The following NR3C2 variants were observed in gnomAD, a reference collection of about 807,000 sequenced individuals.
NR3C2 encodes mineralocorticoid receptor.
A neutral mutation model predicts 86.4 loss-of-function variants in NR3C2; 15 were observed. The observed-to-expected ratio is 0.17, with a 90% CI of 0.12 to 0.27. NR3C2 has a LOEUF of 0.27. Among genes scored for constraint, NR3C2 ranks in the 10% least tolerant of loss-of-function variants. NR3C2 has a pLI of 1.00. For missense variants in NR3C2, 960 were observed against 1,195.6 expected (o/e 0.80, Z 2.91); for synonymous variants, 458 against 450.5 (o/e 1.02, Z -0.21).
At chr4:148,422,524 A>AT (rs1749334001) in intron 2 of NR3C2, among the ~76,000 whole-genome samples, 1 of 152,118 alleles carries the variant, frequency 6.6e-6, no homozygotes, top group African/African-American at 2.4e-5. Flanking sequence ...TCGAAAAAAT[A>AT]TTTTTTAAGT....
chr4:148,093,245 C>G (rs1731137882), intron 8 of NR3C2, among the ~76,000 whole-genome samples: 1 of 152,202 alleles, frequency 6.6e-6, no homozygotes, highest in South Asian at 2.1e-4. Flanking sequence ...TCTGCCTTTT[C>G]CATACTACCC....
intron 8 of NR3C2, among the ~76,000 whole-genome samples, chr4:148,112,771 T>C (rs1732099674): frequency 6.6e-6 from 1 of 152,206 alleles, no homozygotes; most frequent in African/African-American, 2.4e-5. Context: ...ATCAACCTTA[T>C]GCCATTAGTT....
At chr4:148,362,455 CTT>C (rs1007651850) in intron 2 of NR3C2, among the ~76,000 whole-genome samples, 1 of 152,132 alleles carries the variant, frequency 6.6e-6, no homozygotes, top group African/African-American at 2.4e-5. Flanking sequence ...AATTTAAAAA[CTT>C]TAAAACTTTA....
chr4:148,194,914 A>C, intron 3 of NR3C2, 52 bp from the exon 4 acceptor site: 1 of 1,228,820 alleles, frequency 8.1e-7, no homozygotes, highest in Non-Finnish European at 1.2e-6. Flanking sequence ...CTAGTACAAA[A>C]CATTAATATG....
chr4:148,149,537 G>T (rs953262658), intron 6 of NR3C2, among the ~76,000 whole-genome samples: 2 of 152,058 alleles, frequency 1.3e-5, no homozygotes, highest in African/African-American at 2.4e-5. Flanking sequence ...CAAAGAAAAG[G>T]CAACAAAAGA....
rs372002502 is a variant in NR3C2, at chr4:148,359,549, C to T, written c.1757+75555G>A. On this transcript the variant is annotated intron_variant, in intron 2 of 8. Coordinates refer to ENST00000358102, the MANE Select transcript of NR3C2 (RefSeq NM_000901.5). The stretch of plus-strand genomic sequence containing the variant: ...TGAATATCAATAAATTTTATATGTG[C>T]CAAAATAAACTAGTCATCAGTACAT... 4.1e-4 allele frequency among the ~76,000 whole-genome samples: 62 copies of T among 152,168 alleles called. 1 individual carries two copies. The South Asian group carries it at 0.012, about 31-fold the overall frequency.
At chr4:148,103,479 C>T (rs970187836) in intron 8 of NR3C2, among the ~76,000 whole-genome samples, 2 of 152,216 alleles carry the variant, frequency 1.3e-5, no homozygotes, top group Admixed American at 1.3e-4. Context: ...ACTCAGTAGC[C>T]CTTTCTTTGC....
chr4:148,363,175 A>C (rs2126317439), intron 2 of NR3C2, among the ~76,000 whole-genome samples: 1 of 152,298 alleles, frequency 6.6e-6, no homozygotes, highest in South Asian at 2.1e-4. Flanking sequence ...GCCCTGAGTG[A>C]CCATGAGGGG....
chr4:148,373,480 C>CT (rs11377568), intron 2 of NR3C2, among the ~76,000 whole-genome samples: 35 of 129,814 alleles, frequency 2.7e-4, no homozygotes, highest in Non-Finnish European at 2.3e-4. Context: ...CTTTTTTTTT[C>CT]TTTTTTTTTT....
chr4:148,158,663 T>C (rs547269879), intron 4 of NR3C2, among the ~76,000 whole-genome samples: 13 of 152,310 alleles, frequency 8.5e-5, no homozygotes, highest in African/African-American at 3.1e-4. Flanking sequence ...TAAAAGTGAC[T>C]TTTTTTGCAA....
chr4:148,321,729 T>G (rs1336532015), intron 2 of NR3C2, among the ~76,000 whole-genome samples: 1 of 152,202 alleles, frequency 6.6e-6, no homozygotes, highest in East Asian at 1.9e-4. Flanking sequence ...TCCATTTTCT[T>G]GGTAGATCTT....
rs759367916 is a variant in NR3C2, at chr4:148,435,529, A to C, written c.1332T>G (p.Asn444Lys). 1 of 1,614,130 alleles carries C rather than the reference A, an allele frequency of 6.2e-7. No homozygotes were observed. The highest frequency in any genetic ancestry group is 1.1e-5 in the South Asian group (1 of 91,088). ...TAAATGGAAACGGGTTTACTGTTGGATTCCCTTTAAAAGAGGTGCCTGAAC... is the reference window on the plus strand; with the variant it reads ...TAAATGGAAACGGGTTTACTGTTGGCTTCCCTTTAAAAGAGGTGCCTGAAC... The part of the protein sequence containing the change: ...HSCSGTSFKG[N>K]PTVNPFPFMD... The change falls in exon 2 of 9, where the codon AAT becomes AAG. Residue 444 changes from asparagine to lysine, a missense_variant. By Grantham distance (94) the Asn-to-Lys change is moderately conservative (BLOSUM62 0). Transcript: ENST00000358102.
At chr4:148,210,114 G>T (rs1737209589) in intron 3 of NR3C2, among the ~76,000 whole-genome samples, 1 of 152,132 alleles carries the variant, frequency 6.6e-6, no homozygotes, top group African/African-American at 2.4e-5. Flanking sequence ...GTCTCTTTTT[G>T]CTAATGAGAA....
chr4:148,278,859 C>A (rs1406571209), intron 2 of NR3C2, among the ~76,000 whole-genome samples: 1 of 151,712 alleles, frequency 6.6e-6, no homozygotes, highest in African/African-American at 2.4e-5. Flanking sequence ...TCACCAATAA[C>A]CACCCTTAAA....
At chr4:148,193,121 C>T (rs566222277) in intron 4 of NR3C2, among the ~76,000 whole-genome samples, 1 of 152,340 alleles carries the variant, frequency 6.6e-6, no homozygotes, top group African/African-American at 2.4e-5. Context: ...TAGGAGTGGG[C>T]TGCTTGGGGA....
At chr4:148,140,404 C>T (rs533500562) in intron 6 of NR3C2, among the ~76,000 whole-genome samples, 6 of 152,192 alleles carry the variant, frequency 3.9e-5, no homozygotes, top group South Asian at 2.1e-4. Context: ...TTTGGTGGCA[C>T]GTGCCTGTAG....
At chr4:148,316,036 G>A (rs766887692) in intron 2 of NR3C2, among the ~76,000 whole-genome samples, 1 of 152,116 alleles carries the variant, frequency 6.6e-6, no homozygotes, top group Non-Finnish European at 1.5e-5. Context: ...AACCAATAAT[G>A]CCAACTAGAA....
chr4:148,214,820 T>C (rs1737447071), intron 3 of NR3C2, among the ~76,000 whole-genome samples: 1 of 152,250 alleles, frequency 6.6e-6, no homozygotes, highest in Non-Finnish European at 1.5e-5. Context: ...AGAGTTTATA[T>C]GAAATCTCCC....
chr4:148,192,711 G>A (rs1487189171), intron 4 of NR3C2, among the ~76,000 whole-genome samples: 1 of 152,044 alleles, frequency 6.6e-6, no homozygotes, highest in Non-Finnish European at 1.5e-5. Flanking sequence ...GTGTACCAAG[G>A]AGGATTATGG....
Sources: allele counts gnomAD v4.1 joint callset (sites outside exome capture counted in the v4.1 genomes callset), GRCh38; gene constraint gnomAD v4.1.1; transcripts MANE v1.5; gene names NCBI Gene and HGNC (gene_info 2026-07-23, HGNC 2026-07-21).